EDIL3: variants seen among roughly 807,000 people sequenced by gnomAD.
EDIL3 encodes the protein EGF-like repeat and discoidin I-like domain-containing protein 3.
EDIL3 carries 37 observed loss-of-function variants against 67.4 expected under a neutral mutation model. That is an observed-to-expected ratio of 0.55 (90% CI 0.42 to 0.72). The LOEUF (loss-of-function observed/expected upper bound fraction) is 0.72. Among genes scored for constraint, EDIL3 ranks in the 30% least tolerant of loss-of-function variants. The pLI is 0.00. For synonymous variants in EDIL3, 195 were observed against 196.3 expected, an observed-to-expected ratio of 0.99 and a Z score of 0.05; for missense variants, 527 against 586.3, an observed-to-expected ratio of 0.90 and a Z score of 1.04.
chr5:84,200,233 G>T (rs939898094), intron 3 of EDIL3, among the ~76,000 whole-genome samples: 7 of 152,040 alleles, frequency 4.6e-5, no homozygotes, highest in Non-Finnish European at 8.8e-5. Context: ...AAACCTGCAC[G>T]TTGTGCACAT....
chr5:84,186,490 G>A (rs342406), intron 3 of EDIL3, among the ~76,000 whole-genome samples: 131,436 of 151,942 alleles, frequency 0.87, 57,067 homozygotes, highest in East Asian at 0.92. Flanking sequence ...TATCCAGTTT[G>A]GGTATCTCAT....
intron 1 of EDIL3, among the ~76,000 whole-genome samples, chr5:84,273,844 C>T (rs1294236734): frequency 1.3e-5 from 2 of 152,158 alleles, no homozygotes; most frequent in African/African-American, 2.4e-5. Flanking sequence ...TATTTCTATA[C>T]CTTTATAATA....
At chr5:84,054,409 T>G (rs1746403380) in intron 9 of EDIL3, among the ~76,000 whole-genome samples, 1 of 152,184 alleles carries the variant, frequency 6.6e-6, no homozygotes, top group Non-Finnish European at 1.5e-5. Context: ...AAGACAGGGA[T>G]GCCCTCTCTC....
At chr5:84,364,659 C>A (rs1259290301) in intron 1 of EDIL3, among the ~76,000 whole-genome samples, 3 of 151,812 alleles carry the variant, frequency 2.0e-5, no homozygotes, top group Non-Finnish European at 4.4e-5. Context: ...TTATATAGTA[C>A]CCCAAATAAT....
chr5:84,032,917 C>G (rs1441214939), intron 9 of EDIL3, among the ~76,000 whole-genome samples: 1 of 152,124 alleles, frequency 6.6e-6, no homozygotes, highest in East Asian at 1.9e-4. Context: ...AATGTAACAT[C>G]CAACAGTGCT....
At chr5:84,361,380 A>C (rs1483532429) in intron 1 of EDIL3, among the ~76,000 whole-genome samples, 1 of 152,062 alleles carries the variant, frequency 6.6e-6, no homozygotes, top group Non-Finnish European at 1.5e-5. Flanking sequence ...ATTCAATAAA[A>C]ATCTGGGAAT....
At chr5:84,238,289 A>G (rs1311352543) in intron 2 of EDIL3, among the ~76,000 whole-genome samples, 1 of 152,072 alleles carries the variant, frequency 6.6e-6, no homozygotes, top group Non-Finnish European at 1.5e-5. Flanking sequence ...CTTATATTCC[A>G]AAATAATTCA....
At chr5:84,073,551 C>A (rs530213020) in intron 6 of EDIL3, among the ~76,000 whole-genome samples, 1 of 152,090 alleles carries the variant, frequency 6.6e-6, no homozygotes, top group Non-Finnish European at 1.5e-5. Context: ...TAAACACCAA[C>A]AACAGACAAA....
At chr5:84,241,901 T>A (rs769653543) in intron 2 of EDIL3, among the ~76,000 whole-genome samples, 4 of 151,908 alleles carry the variant, frequency 2.6e-5, no homozygotes, top group Non-Finnish European at 5.9e-5. Flanking sequence ...TGTTTTAAGA[T>A]CCTTACATAT....
At chr5:84,099,130 G>C (rs1007637527) in intron 6 of EDIL3, among the ~76,000 whole-genome samples, 1 of 152,124 alleles carries the variant, frequency 6.6e-6, no homozygotes, top group Non-Finnish European at 1.5e-5. Flanking sequence ...AACATTCCAT[G>C]CACATGGATA....
chr5:84,284,595 G>A (rs534761452), intron 1 of EDIL3, among the ~76,000 whole-genome samples: 13 of 152,138 alleles, frequency 8.5e-5, no homozygotes, highest in Non-Finnish European at 1.2e-4. Flanking sequence ...GAAACTAGTG[G>A]TAGGGTTACA....
chr5:84,147,863 AT>A (rs1748316863), intron 4 of EDIL3, among the ~76,000 whole-genome samples: 1 of 152,108 alleles, frequency 6.6e-6, no homozygotes, highest in Admixed American at 6.6e-5. Context: ...CCTTGAATTA[AT>A]TTCTTAAAAG....
intron 1 of EDIL3, among the ~76,000 whole-genome samples, chr5:84,257,764 T>C (rs1745147434): frequency 1.3e-5 from 2 of 152,174 alleles, no homozygotes; most frequent in Non-Finnish European, 2.9e-5. Flanking sequence ...ACATGACTTG[T>C]TAAGTATGAA....
intron 4 of EDIL3, among the ~76,000 whole-genome samples, chr5:84,152,830 A>C (rs1748421126): frequency 6.6e-6 from 1 of 152,214 alleles, no homozygotes; most frequent in Non-Finnish European, 1.5e-5. Context: ...CAATATTTTA[A>C]ATATTTTTGT....
At chr5:84,250,036 A>T (rs1282981936) in intron 2 of EDIL3, among the ~76,000 whole-genome samples, 1 of 152,190 alleles carries the variant, frequency 6.6e-6, no homozygotes, top group Non-Finnish European at 1.5e-5. Flanking sequence ...CAGGAATGTG[A>T]GTGAGTAATT....
chr5:84,112,177 A>G (rs981688857), intron 5 of EDIL3, among the ~76,000 whole-genome samples: 1 of 152,190 alleles, frequency 6.6e-6, no homozygotes, highest in African/African-American at 2.4e-5. Context: ...GAAGGACTCT[A>G]TGGCCACATT....
At chr5:83,967,224 G>A (rs922592739) in intron 9 of EDIL3, among the ~76,000 whole-genome samples, 1 of 152,076 alleles carries the variant, frequency 6.6e-6, no homozygotes, top group African/African-American at 2.4e-5. Context: ...GGGAGGTTGA[G>A]GTGGCAGGAG....
intron 5 of EDIL3, among the ~76,000 whole-genome samples, chr5:84,127,489 G>C (rs969897583): frequency 6.6e-6 from 1 of 152,058 alleles, no homozygotes; most frequent in African/African-American, 2.4e-5. Flanking sequence ...CATAACCTGG[G>C]AGGAGCAGCC....
chr5:84,190,294 T>C (rs1743552999), intron 3 of EDIL3, among the ~76,000 whole-genome samples: 2 of 151,984 alleles, frequency 1.3e-5, no homozygotes, highest in African/African-American at 4.8e-5. Context: ...TCTTTCTTTT[T>C]AGATCAGGGA....
Sources: allele counts gnomAD v4.1 joint callset (sites outside exome capture counted in the v4.1 genomes callset), GRCh38; gene constraint gnomAD v4.1.1; transcripts MANE v1.5; gene names NCBI Gene and HGNC (gene_info 2026-07-23, HGNC 2026-07-21).